Variants in FOLH1 observed in about 807,000 individuals in gnomAD.
The protein encoded by FOLH1 is glutamate carboxypeptidase 2.
FOLH1 carries 54 observed loss-of-function variants against 93.9 expected under a neutral mutation model. The ratio of observed to expected loss-of-function variants is 0.57; its 90% CI spans 0.46 to 0.72. FOLH1 has a LOEUF of 0.72. Ranked by LOEUF, FOLH1 falls within the 30% of genes least tolerant of loss-of-function variation. The probability of loss-of-function intolerance (pLI) is 0.00; values close to 1 mark genes in which losing one functional copy is unlikely to be tolerated. For missense variants in FOLH1, 571 were observed against 892.5 expected, an observed-to-expected ratio of 0.64 and a Z score of 4.59; for synonymous variants, 249 against 303.6, an observed-to-expected ratio of 0.82 and a Z score of 1.87.
At chr11:49,200,589 T>C (rs2135314174) in intron 2 of FOLH1, 148 bp from the exon 3 acceptor site, 1 of 834,092 alleles carries the variant, frequency 1.2e-6, no homozygotes. Context: ...ATGAAATAGA[T>C]TTTCAAAGTC....
chr11:49,191,754 G>A (rs1171338028), intron 4 of FOLH1, among the ~76,000 whole-genome samples: 1 of 152,182 alleles, frequency 6.6e-6, no homozygotes, highest in Admixed American at 6.5e-5. Context: ...CTGGAGTGCA[G>A]TGGCACAATC....
At chr11:49,200,118 T>A in intron 3 of FOLH1, 137 bp downstream of exon 3, 1 of 862,872 alleles carries the variant, frequency 1.2e-6, no homozygotes, top group South Asian at 2.3e-5. Context: ...TAATGAGATA[T>A]TAAAGGTATT....
rs757118184 is a variant in FOLH1 at position 49,154,432 on chromosome 11, C to T, written c.1684G>A (p.Val562Met). 75 of 1,611,040 alleles carry T rather than the reference C, an allele frequency of 4.7e-5. No homozygotes were observed. The highest frequency in any genetic ancestry group is 6.3e-5 in the Non-Finnish European group (74 of 1,178,042). The change falls in exon 16 of 19, where the codon GTG becomes ATG. Residue 562 changes from valine to methionine, a missense_variant. Around this residue, in one of 2 missense-constraint regions of FOLH1, gnomAD observed 500 missense variants for 822.9 expected, o/e 0.61. Transcript: ENST00000256999. ...YHSVYETYEL[V>M]EKFYDPMFKY... ...AACATTGGATCATAAAACTTTTCCA[C>T]CAACTCATATGTTTCATAGACACTG...
At chr11:49,148,783 C>T in intron 17 of FOLH1, 52 bp from the exon 18 acceptor site, 3 of 1,420,948 alleles carry the variant, frequency 2.1e-6, no homozygotes, top group East Asian at 2.5e-5. Flanking sequence ...TGTTTCTACT[C>T]AGAAAATAAA....
intron 12 of FOLH1, among the ~76,000 whole-genome samples, chr11:49,167,685 T>C (rs1858578902): frequency 1.3e-5 from 2 of 151,992 alleles, no homozygotes; most frequent in South Asian, 4.2e-4. Flanking sequence ...TGTCTAGCGT[T>C]TGCCTGTAGT....
At chr11:49,164,079 C>T (rs1565150335) in intron 13 of FOLH1, among the ~76,000 whole-genome samples, 1 of 152,162 alleles carries the variant, frequency 6.6e-6, no homozygotes, top group Non-Finnish European at 1.5e-5. Flanking sequence ...TTACTTGCCC[C>T]TTCAATTTCT....
In FOLH1 at chr11:49,154,242, T is replaced by A; in HGVS notation, c.1874A>T (p.Tyr625Phe). 1.2e-6 allele frequency: 2 copies of A among 1,613,408 alleles called. No homozygotes were observed. Among genetic ancestry groups the A allele is most frequent in the Non-Finnish European group, 1.7e-6 (2 of 1,179,514 alleles). Reference protein sequence around the residue: ...SMKHPQEMKTYSVSFDSLFSA... With the variant: ...SMKHPQEMKTFSVSFDSLFSA... Reference sequence around the variant, plus strand: ...GGGTAACATACCAAATGATACACTGTATGTCTTCATTTCCTGTGGATGTTT... The same window carrying A: ...GGGTAACATACCAAATGATACACTGAATGTCTTCATTTCCTGTGGATGTTT... The change falls in exon 16 of 19, where the codon TAC (tyrosine) becomes TTC (phenylalanine). Residue 625 changes from tyrosine to phenylalanine, a missense_variant. Tyr to Phe is a conservative substitution (Grantham distance 22). Transcript: ENST00000256999.
Position 49,192,867 on chromosome 11 carries a change from G to A in FOLH1, c.439C>T (p.Pro147Ser), listed in dbSNP as rs1329495384. 1.3e-6 allele frequency: 2 copies of A among 1,598,632 alleles called. No individual in the cohort carries two copies. The highest frequency in any genetic ancestry group is 1.1e-5 in the South Asian group (1 of 88,224). ...GAAACATTTTCATATCCTGGAGGAG[G>A]TGGTTCAAATAATGATGTGTTGAAA... ...EIFNTSLFEPPPPGYENVSDI... is the reference protein window; with the variant it reads ...EIFNTSLFEPSPPGYENVSDI... Residue 147 changes from proline (P) to serine (S), a missense_variant, in exon 4 of 19, where the codon CCT (proline) becomes TCT (serine). By Grantham distance (74) the Pro-to-Ser change is moderately conservative (BLOSUM62 -1). Around this residue, in one of 2 missense-constraint regions of FOLH1, gnomAD observed 500 missense variants for 822.9 expected, o/e 0.61. Coordinates refer to ENST00000256999, the MANE Select transcript of FOLH1 (RefSeq NM_004476.3).
At chr11:49,147,523 A>G (rs1038839406) in intron 18 of FOLH1, among the ~76,000 whole-genome samples, 1 of 152,152 alleles carries the variant, frequency 6.6e-6, no homozygotes, top group African/African-American at 2.4e-5. Context: ...AATCATCAAA[A>G]ACAATTTTGT....
At chr11:49,149,542 A>G (rs181545577) in intron 17 of FOLH1, among the ~76,000 whole-genome samples, 44 of 152,288 alleles carry the variant, frequency 2.9e-4, no homozygotes, top group African/African-American at 2.2e-4. Context: ...ACACATGGCT[A>G]GTAGTCCAAA....
chr11:49,176,979 A>G (rs1478318070), intron 7 of FOLH1, among the ~76,000 whole-genome samples: 1 of 152,190 alleles, frequency 6.6e-6, no homozygotes, highest in Non-Finnish European at 1.5e-5. Context: ...ACGCACCCTC[A>G]TGCACTCCAG....
intron 7 of FOLH1, among the ~76,000 whole-genome samples, chr11:49,177,676 G>A (rs558663382): frequency 3.4e-4 from 52 of 151,914 alleles, no homozygotes; most frequent in Admixed American, 9.8e-4. Context: ...AGCCGGGCGC[G>A]GTGGCTCACG....
At chr11:49,201,669 T>C (rs192499232) in intron 2 of FOLH1, among the ~76,000 whole-genome samples, 1 of 151,908 alleles carries the variant, frequency 6.6e-6, no homozygotes, top group Non-Finnish European at 1.5e-5. Flanking sequence ...AGCTAAGGAG[T>C]CTCTATCCCT....
At chr11:49,167,382 G>C (rs1397262388) in intron 12 of FOLH1, among the ~76,000 whole-genome samples, 18 of 152,156 alleles carry the variant, frequency 1.2e-4, no homozygotes, top group African/African-American at 3.9e-4. Context: ...ATAGGAAGTT[G>C]CAGGGCCAGG....
At chr11:49,185,509 G>A (rs1861260847) in intron 6 of FOLH1, 160 bp downstream of exon 6, 1 of 934,948 alleles carries the variant, frequency 1.1e-6, no homozygotes, top group Non-Finnish European at 1.5e-6. Context: ...AAGGGGGTAA[G>A]GGGCCTGAAC....
At chr11:49,153,085 G>T (rs969257627) in intron 17 of FOLH1, among the ~76,000 whole-genome samples, 22 of 151,916 alleles carry the variant, frequency 1.4e-4, no homozygotes, top group African/African-American at 5.3e-4. Flanking sequence ...AGCTCCTGGG[G>T]ATTTGATATT....
chr11:49,163,813 C>A (rs1280965018), intron 13 of FOLH1, among the ~76,000 whole-genome samples: 2 of 152,056 alleles, frequency 1.3e-5, no homozygotes, highest in Non-Finnish European at 2.9e-5. Context: ...GTGTATCAGA[C>A]TGAAGGCCCT....
At chr11:49,194,467 A>T (rs1318484704) in intron 3 of FOLH1, among the ~76,000 whole-genome samples, 1 of 152,090 alleles carries the variant, frequency 6.6e-6, no homozygotes, top group African/African-American at 2.4e-5. Flanking sequence ...AACAAGACTG[A>T]ATTAAAATTA....
At chr11:49,201,255 G>GATAT (rs35326986) in intron 2 of FOLH1, among the ~76,000 whole-genome samples, 37,127 of 139,528 alleles carry the variant, frequency 0.27, 5,016 homozygotes, top group African/African-American at 0.35. Flanking sequence ...AGCATGAAAA[G>GATAT]ATATATATAT....
Sources: gnomAD v4.1 joint callset for allele counts (sites outside exome capture counted in the v4.1 genomes callset) on GRCh38, gnomAD v4.1.1 for gene constraint, gnomAD v4.1.1 regional missense constraint, MANE v1.5 for transcripts, NCBI Gene and HGNC (gene_info 2026-07-23, HGNC 2026-07-21) for gene names.